The following LHPP variants were observed in gnomAD, a reference collection of about 807,000 sequenced individuals.
LHPP encodes hLHPP.
A neutral mutation model predicts 30.3 loss-of-function variants in LHPP; 24 were observed. That is an observed-to-expected ratio of 0.79 (90% CI 0.57 to 1.11). LHPP has a LOEUF of 1.11. Among genes scored for constraint, LHPP ranks in the 50% most tolerant of loss-of-function variants. The pLI, the probability that LHPP is intolerant of heterozygous loss-of-function variation, is 0.00. For synonymous variants in LHPP, 150 were observed against 157.1 expected (o/e 0.95, Z 0.34); for missense variants, 356 against 367.2 (o/e 0.97, Z 0.25).
intron 1 of LHPP, among the ~76,000 whole-genome samples, chr10:124,474,549 A>G (rs764177301): frequency 1.3e-5 from 2 of 152,194 alleles, no homozygotes; most frequent in African/African-American, 2.4e-5. Context: ...TGAAGCCAAC[A>G]TAAAAGGATT....
chr10:124,591,019 T>C (rs572038484), intron 6 of LHPP, among the ~76,000 whole-genome samples: 1 of 152,272 alleles, frequency 6.6e-6, no homozygotes, highest in South Asian at 2.1e-4. Flanking sequence ...GAATTCCTGT[T>C]TCCTCAAGTC....
At chr10:124,606,885 C>A (rs1163125636) in intron 6 of LHPP, among the ~76,000 whole-genome samples, 1 of 152,252 alleles carries the variant, frequency 6.6e-6, no homozygotes, top group Non-Finnish European at 1.5e-5. Context: ...CAGGCCCCTG[C>A]CCCTGTTCCT....
At chr10:124,602,520 G>T (rs1252951132) in intron 6 of LHPP, among the ~76,000 whole-genome samples, 1 of 152,248 alleles carries the variant, frequency 6.6e-6, no homozygotes, top group Non-Finnish European at 1.5e-5. Flanking sequence ...GCTCCTGGGG[G>T]TGTGTGAGAC....
In LHPP at chr10:124,517,578, G is replaced by A. The variant is rs1430359662; in HGVS notation, c.716+307G>A. On this transcript the variant is annotated intron_variant, in intron 6 of 6. Transcript: ENST00000368842. The surrounding 1 kb of genome is among the most constrained non-coding windows in gnomAD (Gnocchi z 4.1). Reference sequence around the variant, plus strand: ...CCCACCAGGGAGTTGGGCCGAATTTGTGCTGCTGTCCCTTTGGCAATTTGA... The same window carrying A: ...CCCACCAGGGAGTTGGGCCGAATTTATGCTGCTGTCCCTTTGGCAATTTGA... 1.3e-5 allele frequency among the ~76,000 whole-genome samples: 2 copies of A among 152,038 alleles called. No individual in the cohort carries two copies. The highest frequency in any genetic ancestry group is 2.9e-5 in the Non-Finnish European group (2 of 68,004).
At chr10:124,530,909 C>T (rs1248775107) in intron 6 of LHPP, among the ~76,000 whole-genome samples, 1 of 89,722 alleles carries the variant, frequency 1.1e-5, no homozygotes, top group Non-Finnish European at 2.3e-5. Context: ...ATCAGCCTCA[C>T]CAGCCCGTCC....
intron 5 of LHPP, among the ~76,000 whole-genome samples, chr10:124,514,660 T>C (rs1954400450): frequency 6.6e-6 from 1 of 152,236 alleles, no homozygotes; most frequent in African/African-American, 2.4e-5. Flanking sequence ...TGATGTGCCT[T>C]AATACAGTTT....
At chr10:124,498,619 T>A (rs1478098140) in intron 5 of LHPP, 1 of 720,300 alleles carries the variant, frequency 1.4e-6, no homozygotes, top group African/African-American at 1.8e-5. Context: ...CAACCCTAAG[T>A]GAGTCTGGCT....
chr10:124,581,926 T>C (rs12773469), intron 6 of LHPP, among the ~76,000 whole-genome samples: 61,036 of 150,774 alleles, frequency 0.4, 12,359 homozygotes, highest in Non-Finnish European at 0.44. Context: ...GGACTACAGG[T>C]GCCCACCACC....
chr10:124,462,032 T>C, intron 1 of LHPP, 45 bp downstream of exon 1: 1 of 1,192,812 alleles, frequency 8.4e-7, no homozygotes. Flanking sequence ...AGCTCTAAGC[T>C]CAGCCCGCTC....
Position 124,484,246 on chromosome 10 carries a change from A to C in LHPP, c.233A>C (p.Gln78Pro). The change falls in exon 2 of 7, where the codon CAG (glutamine) becomes CCG (proline). Residue 78 changes from glutamine (Q) to proline (P), a missense_variant. Coordinates refer to ENST00000368842, the MANE Select transcript of LHPP (RefSeq NM_022126.4). ...LQRLGFDISE[Q>P]EVTAPAPAAC... ...AGGCTGGGATTTGACATCTCTGAGC[A>C]GGAGGTGACCGCCCCGGCACCAGCT... The C allele has an allele frequency of 5.0e-6, 8 of 1,614,106 alleles. No individual in the cohort carries two copies. Among genetic ancestry groups the C allele is most frequent in the Non-Finnish European group, 6.8e-6 (8 of 1,180,030 alleles).
intron 3 of LHPP, among the ~76,000 whole-genome samples, chr10:124,495,915 G>A (rs1426263783): frequency 6.6e-6 from 1 of 152,186 alleles, no homozygotes; most frequent in African/African-American, 2.4e-5. Context: ...AGGAAACTGA[G>A]GCCCACAGGC....
rs759928988 is a variant in LHPP, at chr10:124,517,261, G to T, written c.706G>T (p.Gly236Trp). The T allele has an allele frequency of 6.3e-7, 1 of 1,594,336 alleles. No individual in the cohort carries two copies. The highest frequency in any genetic ancestry group is 8.5e-7 in the Non-Finnish European group (1 of 1,170,348). The change falls in exon 6 of 7, where the codon GGG becomes TGG. Residue 236 changes from glycine (G) to tryptophan (W), a missense_variant. Coordinates refer to ENST00000368842, the MANE Select transcript of LHPP (RefSeq NM_022126.4). This position sits in a 1 kb window ranked among gnomAD's most constrained non-coding sequence, Gnocchi z 4.1. ...CGMRALQVRT[G>W]KFRPSDEHHP... is the part of the protein sequence containing the mutation. The stretch of plus-strand genomic sequence containing the variant: ...AATGAGAGCGCTGCAGGTGCGCACC[G>T]GGAAGTTCAGGTCAGTGCCAGCTGG...
intron 5 of LHPP, among the ~76,000 whole-genome samples, chr10:124,502,092 C>T (rs1053470228): frequency 1.2e-4 from 18 of 151,958 alleles, no homozygotes; most frequent in Non-Finnish European, 2.5e-4. Context: ...CAAAAAGTTG[C>T]AAACATAGTA....
chr10:124,480,912 G>A (rs1386750895), intron 1 of LHPP, among the ~76,000 whole-genome samples: 2 of 152,202 alleles, frequency 1.3e-5, no homozygotes, highest in South Asian at 2.1e-4. Context: ...TCATTTCAGT[G>A]CAGAAACATG....
intron 6 of LHPP, among the ~76,000 whole-genome samples, chr10:124,551,236 G>A (rs1258481975): frequency 1.3e-5 from 2 of 152,136 alleles, no homozygotes; most frequent in Admixed American, 6.5e-5. Flanking sequence ...TGAGCAACTC[G>A]CCTGGGGCCC....
In LHPP at chr10:124,515,376, CT is replaced by C. The variant is rs1411134054; in HGVS notation, c.625-1800del. Among the ~76,000 whole-genome samples the C allele has an allele frequency of 2.6e-5, 4 of 152,254 alleles. No homozygotes were observed. In the East Asian group the frequency reaches 7.7e-4, roughly 29 times the overall value. On this transcript the variant is annotated intron_variant, in intron 5 of 6. Coordinates refer to ENST00000368842, the MANE Select transcript of LHPP (RefSeq NM_022126.4). ...TTTTCTTTTATCTTCCATTTCTCTA[CT>C]TTTGGAACACATGAAATACCATTAC...
intron 6 of LHPP, among the ~76,000 whole-genome samples, chr10:124,608,993 A>G (rs1185023212): frequency 2.0e-5 from 3 of 152,178 alleles, no homozygotes; most frequent in African/African-American, 7.2e-5. Flanking sequence ...CTTGAGTGGA[A>G]GCACTGGCTT....
At chr10:124,473,171 G>A (rs1262408435) in intron 1 of LHPP, among the ~76,000 whole-genome samples, 1 of 152,160 alleles carries the variant, frequency 6.6e-6, no homozygotes, top group Non-Finnish European at 1.5e-5. Context: ...TACAAGGGGA[G>A]TGTGGCACAA....
At chr10:124,559,236 T>G (rs1202013853) in intron 6 of LHPP, among the ~76,000 whole-genome samples, 1 of 152,236 alleles carries the variant, frequency 6.6e-6, no homozygotes, top group Non-Finnish European at 1.5e-5. Flanking sequence ...TGGGGGTGGC[T>G]TCTGGCAAAA....
Sources: allele counts gnomAD v4.1 joint callset (sites outside exome capture counted in the v4.1 genomes callset), GRCh38; gene constraint gnomAD v4.1.1; non-coding constraint Gnocchi (gnomAD v3.1); transcripts MANE v1.5; gene names NCBI Gene and HGNC (gene_info 2026-07-23, HGNC 2026-07-21).